The following RNF170 variants were observed in gnomAD, a reference collection of about 807,000 sequenced individuals.
The protein encoded by RNF170 is E3 ubiquitin-protein ligase RNF170.
A neutral mutation model predicts 32.7 loss-of-function variants in RNF170; 12 were observed. The ratio of observed to expected loss-of-function variants is 0.37; its 90% CI spans 0.24 to 0.60. The LOEUF is 0.60. RNF170 is among the 20% of genes least tolerant of loss of function. RNF170 has a pLI of 0.72. For synonymous variants in RNF170, 91 were observed against 103.6 expected, an observed-to-expected ratio of 0.88 and a Z score of 0.74; for missense variants, 212 against 311.2, an observed-to-expected ratio of 0.68 and a Z score of 2.40.
intron 1 of RNF170, among the ~76,000 whole-genome samples, chr8:42,893,005 G>T (rs749801724): frequency 6.6e-6 from 1 of 151,956 alleles, no homozygotes; most frequent in Non-Finnish European, 1.5e-5. Flanking sequence ...GCCCAGATTT[G>T]ATCATTACAC....
At chr8:42,864,089 GT>G (rs1164607086) in intron 5 of RNF170, among the ~76,000 whole-genome samples, 1 of 150,676 alleles carries the variant, frequency 6.6e-6, no homozygotes, top group Non-Finnish European at 1.5e-5. Context: ...CCATGGGTAA[GT>G]GGAGGAATAC....
chr8:42,874,953 C>A lies in RNF170; in HGVS notation c.138-947G>T, dbSNP rs529744733. On this transcript the variant is annotated intron_variant, in intron 2 of 6. Coordinates refer to ENST00000527424, the MANE Select transcript of RNF170 (RefSeq NM_030954.4). ...TTGGGAGGCCGAGGCCGGTGGATCACCTGAGGTTGGGAGTTCGAGACCAGC... is the reference window on the plus strand; with the variant it reads ...TTGGGAGGCCGAGGCCGGTGGATCAACTGAGGTTGGGAGTTCGAGACCAGC... Among the ~76,000 whole-genome samples the A allele has an allele frequency of 8.5e-5, 13 of 152,138 alleles. 1 individual carries two copies. In the South Asian group the frequency reaches 2.3e-3, roughly 27 times the overall value.
intron 3 of RNF170, among the ~76,000 whole-genome samples, chr8:42,872,448 T>G (rs191841064): frequency 6.6e-6 from 1 of 152,146 alleles, no homozygotes; most frequent in Non-Finnish European, 1.5e-5. Flanking sequence ...GCTTAAACTA[T>G]TCTGTCTTTT....
At chr8:42,882,766 ACAC>A (rs1398419374) in intron 2 of RNF170, among the ~76,000 whole-genome samples, 2 of 152,142 alleles carry the variant, frequency 1.3e-5, no homozygotes, top group African/African-American at 4.8e-5. Flanking sequence ...GGAAGATTAA[ACAC>A]CACATGATCA....
chr8:42,883,181 A>C lies in RNF170; in HGVS notation c.137+4547T>G, dbSNP rs567414954. 5.9e-5 allele frequency among the ~76,000 whole-genome samples: 9 copies of C among 152,246 alleles called. 1 individual carries two copies. In the East Asian group the frequency reaches 1.7e-3, roughly 29 times the overall value. On this transcript the variant is annotated intron_variant, in intron 2 of 6. Coordinates refer to ENST00000527424, the MANE Select transcript of RNF170 (RefSeq NM_030954.4). Reference sequence around the variant, plus strand: ...AGACTGAAAGGGGGCAAGGGTTGAAATACTACCTATTGAGTACAGTGTTCA... The same window carrying C: ...AGACTGAAAGGGGGCAAGGGTTGAACTACTACCTATTGAGTACAGTGTTCA...
At chr8:42,851,928 G>C (rs1216100260), downstream of RNF170, among the ~76,000 whole-genome samples, 2 of 152,128 alleles carry the variant, frequency 1.3e-5, no homozygotes, top group East Asian at 3.9e-4. Flanking sequence ...CCACCACACT[G>C]TCCTCGCTTG....
chr8:42,854,355 G>T lies in RNF170; in HGVS notation c.*1804C>A. 7.8e-7 allele frequency: 1 copy of T among 1,287,140 alleles called. No individual in the cohort carries two copies. Among genetic ancestry groups the T allele is most frequent in the Non-Finnish European group, 1.0e-6 (1 of 988,660 alleles). 79.7% of individuals were successfully genotyped at this position (1,287,140 alleles called of 1,614,324 possible). On this transcript the variant is annotated 3_prime_UTR_variant, in exon 7 of 7. Transcript: ENST00000527424. Reference sequence around the variant, plus strand: ...AGAAATTTTGGTGTAATGCCACTTTGATCAGTTATTTGTTGTATGACTTCA... The same window carrying T: ...AGAAATTTTGGTGTAATGCCACTTTTATCAGTTATTTGTTGTATGACTTCA...
intron 2 of RNF170, among the ~76,000 whole-genome samples, chr8:42,874,568 C>T (rs1804769704): frequency 6.6e-6 from 1 of 151,648 alleles, no homozygotes; most frequent in South Asian, 2.1e-4. Context: ...ATGGTGAAAC[C>T]CTGCCTTTAC....
In RNF170 at chr8:42,888,222, C is replaced by T. The variant is rs187460528; in HGVS notation, c.-7-351G>A. 1.8e-4 allele frequency among the ~76,000 whole-genome samples: 27 copies of T among 151,890 alleles called. No homozygotes were observed. In the East Asian group the frequency reaches 4.6e-3, roughly 26 times the overall value. ...CTGGGACTACAGGCGCGCACCACTA[C>T]GCCTGGCTAATTTTTTGTATTTTAG... is the stretch of plus-strand genomic sequence containing the variant. On this transcript the variant is annotated intron_variant, in intron 1 of 6. Transcript: ENST00000527424.
Position 42,855,968 on chromosome 8 carries a change from G to T in RNF170, c.*191C>A, listed in dbSNP as rs758459943. 16 of 1,419,256 alleles carry T rather than the reference G, an allele frequency of 1.1e-5. No homozygotes were observed. The highest frequency in any genetic ancestry group is 1.5e-5 in the Non-Finnish European group (16 of 1,065,992). The allele number at this position is 1,419,256 out of a possible 1,614,324, so 87.9% of individuals were successfully genotyped here. ...CATTATAATTCTAAACTTAATATTA[G>T]AACTTCAAACATGAAAATTCCAGTT... is the stretch of plus-strand genomic sequence containing the variant. On this transcript the variant is annotated 3_prime_UTR_variant, in exon 7 of 7. Transcript: ENST00000527424.
intron 2 of RNF170, among the ~76,000 whole-genome samples, chr8:42,878,739 AAC>A (rs1805152575): frequency 1.3e-5 from 2 of 152,234 alleles, no homozygotes; most frequent in South Asian, 4.1e-4. Context: ...ATGTAGAAGA[AAC>A]AGTTTTCCCT....
chr8:42,875,862 A>G (rs1804887277), intron 2 of RNF170, among the ~76,000 whole-genome samples: 1 of 152,242 alleles, frequency 6.6e-6, no homozygotes, highest in South Asian at 2.1e-4. Flanking sequence ...GGCGTGAGCC[A>G]CCGCACCCGG....
chr8:42,867,107 T>C (rs561684800), intron 4 of RNF170, among the ~76,000 whole-genome samples: 1 of 152,158 alleles, frequency 6.6e-6, no homozygotes, highest in South Asian at 2.1e-4. Context: ...GGCAATCCAA[T>C]TGAGGAGACC....
In RNF170 at chr8:42,887,828, G is replaced by A; in HGVS notation, c.37C>T (p.Leu13=). The change falls in exon 2 of 7, where the codon CTG becomes TTG. Residue 13 remains leucine, a synonymous_variant. Transcript: ENST00000527424. ...CCTTCTATAACTGAATCATCATCCA[G>A]TTTCAAACTTTGAACTTCACCTTGA... The part of the protein sequence containing the change: ...KYQGEVQSLK[L]DDDSVIEGVS... 1 of 1,613,840 alleles carries A rather than the reference G, an allele frequency of 6.2e-7. No individual in the cohort carries two copies. The highest frequency in any genetic ancestry group is 8.5e-7 in the Non-Finnish European group (1 of 1,179,750).
intron 1 of RNF170, among the ~76,000 whole-genome samples, chr8:42,890,761 C>A (rs1171503470): frequency 6.6e-6 from 1 of 152,122 alleles, no homozygotes; most frequent in Non-Finnish European, 1.5e-5. Flanking sequence ...CCAACAAAAG[C>A]CAGGCTGTCA....
chr8:42,854,629 A>T lies in RNF170; in HGVS notation c.*1530T>A. On this transcript the variant is annotated 3_prime_UTR_variant, in exon 7 of 7. Coordinates refer to ENST00000527424, the MANE Select transcript of RNF170 (RefSeq NM_030954.4). ...ATCTCATTAATTGGTAGCTGATCTGATTAGCTAGAGAGAATGTGACAGATT... is the reference window on the plus strand; with the variant it reads ...ATCTCATTAATTGGTAGCTGATCTGTTTAGCTAGAGAGAATGTGACAGATT... The T allele has an allele frequency of 7.8e-7, 1 of 1,287,234 alleles. No homozygotes were observed. The highest frequency in any genetic ancestry group is 1.0e-6 in the Non-Finnish European group (1 of 988,684). 79.7% of individuals were successfully genotyped at this position (1,287,234 alleles called of 1,614,324 possible). A position where few individuals can be genotyped will look rare whatever the true frequency, so the allele number is the denominator to read the frequency against.
At chr8:42,887,639 C>T in intron 2 of RNF170, 89 bp downstream of exon 2, 1 of 1,155,520 alleles carries the variant, frequency 8.7e-7, no homozygotes, top group Non-Finnish European at 1.3e-6. Context: ...CTGTTACTTG[C>T]TGTTCATATT....
In RNF170 at chr8:42,853,926, C is replaced by T. The variant is rs1400278794; in HGVS notation, c.*2233G>A. The T allele has an allele frequency of 7.8e-7, 1 of 1,286,872 alleles. No individual in the cohort carries two copies. Among genetic ancestry groups the T allele is most frequent in the African/African-American group, 1.5e-5 (1 of 65,722 alleles). The allele number at this position is 1,286,872 out of a possible 1,614,324, so 79.7% of individuals were successfully genotyped here. On this transcript the variant is annotated 3_prime_UTR_variant, in exon 7 of 7. Coordinates refer to ENST00000527424, the MANE Select transcript of RNF170 (RefSeq NM_030954.4). ...CTCCAAATATTATAATTATTGTAAC[C>T]AGAATTGTGACACTTGGAGCAGAAT...
At chr8:42,852,788 G>A (rs574637967), downstream of RNF170, among the ~76,000 whole-genome samples, 3 of 152,080 alleles carry the variant, frequency 2.0e-5, no homozygotes, top group East Asian at 5.8e-4. Flanking sequence ...AAACATCTCC[G>A]TGACTAAATT....
Sources: gnomAD v4.1 joint callset for allele counts (sites outside exome capture counted in the v4.1 genomes callset) on GRCh38, gnomAD v4.1.1 for gene constraint, MANE v1.5 for transcripts, NCBI Gene and HGNC (gene_info 2026-07-23, HGNC 2026-07-21) for gene names.